Variants in RALGAPA2 observed in about 807,000 individuals in gnomAD.
RALGAPA2 encodes the protein Ral GTPase activating protein catalytic subunit alpha 2, also known as ral GTPase-activating protein subunit alpha-2.
A neutral mutation model predicts 230.4 loss-of-function variants in RALGAPA2; 139 were observed. The observed-to-expected ratio is 0.60, with a 90% CI of 0.53 to 0.69. RALGAPA2 has a LOEUF of 0.69. RALGAPA2 is among the 30% of genes least tolerant of loss of function. RALGAPA2 has a pLI of 0.00. For missense variants in RALGAPA2, 2,163 were observed against 2,276.0 expected, an observed-to-expected ratio of 0.95 and a Z score of 1.01; for synonymous variants, 847 against 837.8, an observed-to-expected ratio of 1.01 and a Z score of -0.19.
chr20:20,484,254 G>A (rs765433323), intron 36 of RALGAPA2, among the ~76,000 whole-genome samples: 7 of 152,200 alleles, frequency 4.6e-5, no homozygotes, highest in African/African-American at 9.7e-5. Flanking sequence ...TCCATGCACT[G>A]AACATTTTAT....
chr20:20,409,251 A>C (rs746786326), intron 38 of RALGAPA2, among the ~76,000 whole-genome samples: 1 of 152,236 alleles, frequency 6.6e-6, no homozygotes, highest in East Asian at 1.9e-4. Context: ...TTCAGACTTA[A>C]AGGCTGATTT....
chr20:20,635,642 T>C, intron 8 of RALGAPA2, 25 bp from the exon 9 acceptor site: 2 of 1,473,942 alleles, frequency 1.4e-6, no homozygotes, highest in Non-Finnish European at 1.8e-6. Flanking sequence ...AACACATGAT[T>C]GATTAGGTTA....
chr20:20,562,431 C>A (rs564366122), intron 23 of RALGAPA2, among the ~76,000 whole-genome samples: 1 of 152,290 alleles, frequency 6.6e-6, no homozygotes, highest in African/African-American at 2.4e-5. Flanking sequence ...AGAACAAAAT[C>A]TTTCCTTTTC....
intron 1 of RALGAPA2, among the ~76,000 whole-genome samples, chr20:20,701,613 C>G (rs573719506): frequency 1.8e-4 from 27 of 152,046 alleles, no homozygotes; most frequent in Non-Finnish European, 3.5e-4. Context: ...GCCTGTAATC[C>G]CAGCTACTGG....
chr20:20,536,975 T>A (rs907666749), intron 24 of RALGAPA2, among the ~76,000 whole-genome samples, 191 bp from the exon 25 acceptor site: 1 of 152,164 alleles, frequency 6.6e-6, no homozygotes, highest in African/African-American at 2.4e-5. Flanking sequence ...ATGGAAAATA[T>A]CACTGTACTT....
At chr20:20,656,403 A>C (rs1352131149) in intron 3 of RALGAPA2, among the ~76,000 whole-genome samples, 1 of 152,244 alleles carries the variant, frequency 6.6e-6, no homozygotes, top group Non-Finnish European at 1.5e-5. Context: ...TCAATATTAA[A>C]TAAAGTGAGC....
chr20:20,507,964 A>G (rs1050491773), intron 33 of RALGAPA2, among the ~76,000 whole-genome samples: 1 of 152,226 alleles, frequency 6.6e-6, no homozygotes, highest in Non-Finnish European at 1.5e-5. Context: ...TTTGTTTTAT[A>G]GACTTTACAT....
intron 13 of RALGAPA2, among the ~76,000 whole-genome samples, chr20:20,615,367 A>G (rs1218716727): frequency 1.3e-5 from 2 of 151,914 alleles, no homozygotes; most frequent in African/African-American, 4.8e-5. Flanking sequence ...TCACCATGTT[A>G]GGCAGGTTGG....
At chr20:20,642,915 T>C (rs1334589919) in intron 5 of RALGAPA2, among the ~76,000 whole-genome samples, 1 of 152,200 alleles carries the variant, frequency 6.6e-6, no homozygotes, top group Admixed American at 6.5e-5. Context: ...AGGCTGAATT[T>C]TTTCTGCCAT....
chr20:20,452,963 G>A (rs1400568155), intron 37 of RALGAPA2, among the ~76,000 whole-genome samples: 1 of 152,148 alleles, frequency 6.6e-6, no homozygotes, highest in Non-Finnish European at 1.5e-5. Context: ...GCTGGTTCAG[G>A]TCCTGGTTAC....
chr20:20,711,119 G>T (rs1447849210), intron 1 of RALGAPA2, among the ~76,000 whole-genome samples: 2 of 152,218 alleles, frequency 1.3e-5, no homozygotes, highest in African/African-American at 4.8e-5. Context: ...GAACAAGTCA[G>T]TGTAACCTCA....
At chr20:20,707,552 A>T (rs947646528) in intron 1 of RALGAPA2, among the ~76,000 whole-genome samples, 1 of 152,228 alleles carries the variant, frequency 6.6e-6, no homozygotes, top group Non-Finnish European at 1.5e-5. Context: ...AAATAAAGAC[A>T]ACAGTTACAA....
chr20:20,436,581 A>C (rs915172422), intron 37 of RALGAPA2, among the ~76,000 whole-genome samples: 4 of 152,188 alleles, frequency 2.6e-5, no homozygotes, highest in Admixed American at 1.3e-4. Context: ...CAGGACACAA[A>C]GGCATAGAAC....
intron 1 of RALGAPA2, among the ~76,000 whole-genome samples, chr20:20,701,954 C>T (rs1255670165): frequency 1.3e-5 from 2 of 148,860 alleles, no homozygotes; most frequent in Admixed American, 6.7e-5. Flanking sequence ...GCAGGAGAAT[C>T]GCTTGAACCT....
At chr20:20,412,512 G>T (rs1159306390) in intron 37 of RALGAPA2, among the ~76,000 whole-genome samples, 1 of 152,056 alleles carries the variant, frequency 6.6e-6, no homozygotes, top group African/African-American at 2.4e-5. Context: ...CTATTTCAGT[G>T]GATAAAACAT....
intron 1 of RALGAPA2, among the ~76,000 whole-genome samples, chr20:20,708,832 T>G (rs1323547500): frequency 2.0e-5 from 3 of 152,196 alleles, no homozygotes; most frequent in Admixed American, 6.5e-5. Flanking sequence ...TTCTTCTCAC[T>G]ACATCAATGC....
intron 10 of RALGAPA2, among the ~76,000 whole-genome samples, chr20:20,627,683 T>C (rs573991363): frequency 3.3e-5 from 5 of 152,380 alleles, no homozygotes; most frequent in Admixed American, 2.6e-4. Context: ...GGAGGGCCCT[T>C]GAAGCTGTGC....
intron 16 of RALGAPA2, chr20:20,598,718 G>C (rs1334599253): frequency 4.4e-6 from 2 of 456,312 alleles, no homozygotes; most frequent in Admixed American, 4.7e-5. Context: ...GAGAGACCAG[G>C]TAAGAGAGCG....
At chr20:20,581,479 T>C (rs1199171845) in intron 20 of RALGAPA2, among the ~76,000 whole-genome samples, 1 of 152,132 alleles carries the variant, frequency 6.6e-6, no homozygotes, top group African/African-American at 2.4e-5. Context: ...CACTGCACGT[T>C]GAGTCAAAAC....
Sources: gnomAD v4.1 joint callset for allele counts (sites outside exome capture counted in the v4.1 genomes callset) on GRCh38, gnomAD v4.1.1 for gene constraint, MANE v1.5 for transcripts, NCBI Gene and HGNC (gene_info 2026-07-23, HGNC 2026-07-21) for gene names.